Variants in KALRN observed in about 807,000 individuals in gnomAD.
KALRN encodes the protein kalirin.
Under a neutral mutation model 353.7 loss-of-function variants are expected in KALRN, and 70 were observed. That is an observed-to-expected ratio of 0.20 (90% CI 0.16 to 0.24). The LOEUF is 0.24. KALRN is among the 10% of genes least tolerant of loss of function. KALRN has a pLI of 1.00. For missense variants in KALRN, 2,791 were observed against 3,756.7 expected (o/e 0.74, Z 6.72); for synonymous variants, 1,391 against 1,434.8 (o/e 0.97, Z 0.69).
chr3:124,623,399 TACAC>T (rs372330681), intron 34 of KALRN, among the ~76,000 whole-genome samples: 20,668 of 136,282 alleles, frequency 0.15, 1,600 homozygotes, highest in Middle Eastern at 0.27. Flanking sequence ...TATTTATTTA[TACAC>T]ACACACACAC....
intron 6 of KALRN, among the ~76,000 whole-genome samples, chr3:124,324,998 G>T (rs2079731982): frequency 6.6e-6 from 1 of 152,180 alleles, no homozygotes; most frequent in African/African-American, 2.4e-5. Context: ...TTACCTGATT[G>T]TTTTGACACC....
chr3:124,096,319 A>G (rs895618940), intron 1 of KALRN: 1 of 152,244 alleles, frequency 6.6e-6, no homozygotes, highest in African/African-American at 2.4e-5. Flanking sequence ...ATCCCAGTGC[A>G]TGGCACAAAC....
At chr3:124,133,695 C>T (rs1425240163) in intron 1 of KALRN, among the ~76,000 whole-genome samples, 1 of 152,178 alleles carries the variant, frequency 6.6e-6, no homozygotes, top group Non-Finnish European at 1.5e-5. Flanking sequence ...ACTGACAAAT[C>T]CTGCATCAGG....
At chr3:124,407,460 A>T (rs2091692514) in intron 13 of KALRN, among the ~76,000 whole-genome samples, 1 of 152,174 alleles carries the variant, frequency 6.6e-6, no homozygotes, top group Non-Finnish European at 1.5e-5. Context: ...TGTGGGAGCC[A>T]AAGTCATTTG....
At chr3:124,078,126 G>A (rs1163078247) in intron 1 of KALRN, among the ~76,000 whole-genome samples, 1 of 152,156 alleles carries the variant, frequency 6.6e-6, no homozygotes, top group Non-Finnish European at 1.5e-5. Flanking sequence ...GGTGATCTCT[G>A]TGCCTTTGCT....
At chr3:124,686,312 C>T (rs1420706032) in intron 51 of KALRN, among the ~76,000 whole-genome samples, 1 of 152,216 alleles carries the variant, frequency 6.6e-6, no homozygotes, top group East Asian at 1.9e-4. Context: ...ACAACATCAT[C>T]ACATAGGTAC....
At chr3:124,294,561 G>A (rs1004148968) in intron 5 of KALRN, among the ~76,000 whole-genome samples, 13 of 108,694 alleles carry the variant, frequency 1.2e-4, no homozygotes, top group African/African-American at 4.7e-4. Context: ...GTCTCGCACT[G>A]TTCCCTGGGC....
chr3:124,157,325 A>G (rs761475731), intron 1 of KALRN, among the ~76,000 whole-genome samples: 7 of 152,186 alleles, frequency 4.6e-5, no homozygotes, highest in Non-Finnish European at 8.8e-5. Context: ...GTTCGTGTAG[A>G]CAGGGCTGCT....
chr3:124,547,706 A>G (rs184756903), intron 33 of KALRN, among the ~76,000 whole-genome samples: 7 of 152,186 alleles, frequency 4.6e-5, no homozygotes, highest in Admixed American at 4.6e-4. Flanking sequence ...GATGGTTACA[A>G]TGTGGCTCCC....
intron 1 of KALRN, among the ~76,000 whole-genome samples, chr3:124,101,022 G>A (rs1441914071): frequency 6.6e-6 from 1 of 152,198 alleles, no homozygotes; most frequent in Non-Finnish European, 1.5e-5. Flanking sequence ...GTCACTACAT[G>A]GGAATAGTAA....
chr3:124,356,548 G>A (rs2083441334), intron 10 of KALRN, among the ~76,000 whole-genome samples: 1 of 151,928 alleles, frequency 6.6e-6, no homozygotes, highest in African/African-American at 2.4e-5. Context: ...TAGCCAGGCT[G>A]GTCTTGAACT....
intron 1 of KALRN, among the ~76,000 whole-genome samples, chr3:124,207,603 G>A (rs1655127781): frequency 6.6e-6 from 1 of 152,112 alleles, no homozygotes; most frequent in African/African-American, 2.4e-5. Context: ...CACAGGCTTT[G>A]GAATAGGATA....
At position 124,169,442 on chromosome 3, in the gene KALRN, A is replaced by C. The variant is rs537581523; in HGVS notation, c.74-58548A>C. Among the ~76,000 whole-genome samples the C allele has an allele frequency of 3.3e-5, 5 of 152,154 alleles. No individual in the cohort carries two copies. The South Asian group carries it at 1.0e-3, about 32-fold the overall frequency. On this transcript the variant is annotated intron_variant, in intron 1 of 59. Transcript: ENST00000682506. ...CTCTTTAATCCTGAGCCAGTGGTTG[A>C]TGTTTTGGTAGCTTTGGCTTCTCTT...
intron 33 of KALRN, among the ~76,000 whole-genome samples, chr3:124,544,676 AT>A (rs1265030742): frequency 6.6e-6 from 1 of 152,098 alleles, no homozygotes; most frequent in Non-Finnish European, 1.5e-5. Context: ...CATCTTGATT[AT>A]TTTGTCATTA....
intron 1 of KALRN, among the ~76,000 whole-genome samples, chr3:124,138,047 C>A (rs970268009): frequency 1.3e-5 from 2 of 152,140 alleles, no homozygotes; most frequent in African/African-American, 4.8e-5. Context: ...CCCAGTGGCC[C>A]CCAGCAGGCT....
intron 1 of KALRN, among the ~76,000 whole-genome samples, chr3:124,044,063 GGCTCATGAATGAGCCCCTT>G: frequency 6.6e-6 from 1 of 152,062 alleles, no homozygotes; most frequent in South Asian, 2.1e-4. Flanking sequence ...AGCAGGCTAG[GGCTCATGAATGAGCCCCTT>G]GCTCATTCTT....
intron 35 of KALRN, 40 bp downstream of exon 35, chr3:124,632,743 C>T (rs1422633726): frequency 3.2e-6 from 5 of 1,579,074 alleles, no homozygotes; most frequent in Middle Eastern, 1.7e-4. Context: ...TCAGGAGGGC[C>T]TTCTGACATG....
Position 124,441,945 on chromosome 3 carries a change from G to A in KALRN, c.3199G>A (p.Ala1067Thr). 6.3e-7 allele frequency: 1 copy of A among 1,580,132 alleles called. No individual in the cohort carries two copies. The change falls in exon 19 of 60, where the codon GCC (alanine) becomes ACC (threonine). Residue 1067 changes from alanine (A) to threonine (T), a missense_variant and splice_region_variant. Coordinates refer to ENST00000682506, the MANE Select transcript of KALRN (RefSeq NM_001388419.1). The stretch of plus-strand genomic sequence containing the variant: ...GGCCTCACAGCTTTGTCTTTCGCAG[G>A]CCTGCACCCTGGCTCGGCGGAATGC... ...HLEQKEAFLK[A>T]CTLARRNAEV...
At chr3:124,522,934 G>A (rs1234457350) in intron 33 of KALRN, among the ~76,000 whole-genome samples, 1 of 152,172 alleles carries the variant, frequency 6.6e-6, no homozygotes, top group Non-Finnish European at 1.5e-5. Flanking sequence ...CCCAAGCATG[G>A]AGGAATTAAA....
Sources: gnomAD v4.1 joint callset for allele counts (sites outside exome capture counted in the v4.1 genomes callset) on GRCh38, gnomAD v4.1.1 for gene constraint, MANE v1.5 for transcripts, NCBI Gene and HGNC (gene_info 2026-07-23, HGNC 2026-07-21) for gene names.